Variants in DIS3L2 observed in about 807,000 individuals in gnomAD.
The protein encoded by DIS3L2 is DIS3-like exonuclease 2.
DIS3L2 carries 34 observed loss-of-function variants against 97.5 expected under a neutral mutation model. That is an observed-to-expected ratio of 0.35 (90% CI 0.27 to 0.46). The LOEUF is 0.46. Among genes scored for constraint, DIS3L2 ranks in the 20% least tolerant of loss-of-function variants. The pLI is 1.00. For missense variants in DIS3L2, 1,038 were observed against 1,146.0 expected (o/e 0.91, Z 1.36); for synonymous variants, 435 against 445.2 (o/e 0.98, Z 0.29).
chr2:231,963,636 T>C (rs1692628543), intron 1 of DIS3L2, among the ~76,000 whole-genome samples: 2 of 152,234 alleles, frequency 1.3e-5, no homozygotes, highest in South Asian at 4.1e-4. Context: ...CTGCAGTTGC[T>C]TATGGGGACT....
chr2:232,305,370 G>A (rs778548311), intron 14 of DIS3L2, among the ~76,000 whole-genome samples: 31 of 152,086 alleles, frequency 2.0e-4, no homozygotes, highest in Non-Finnish European at 4.3e-4. Context: ...GAGCCACCAC[G>A]CCTGTCCTCA....
At chr2:232,258,598 CAAAAAAAAAAAAA>C (rs35525137) in intron 12 of DIS3L2, among the ~76,000 whole-genome samples, 63 of 74,648 alleles carry the variant, frequency 8.4e-4, no homozygotes, top group African/African-American at 2.8e-3. Context: ...GACTCTGTCT[CAAAAAAAAAAAAA>C]AAAAAAAAAG....
At chr2:232,342,792 TG>T (rs1176500422) in intron 13 of DIS3L2, among the ~76,000 whole-genome samples, 3 of 152,182 alleles carry the variant, frequency 2.0e-5, no homozygotes, top group African/African-American at 7.2e-5. Context: ...CAGGCTGGGC[TG>T]GGGCCCCTGG....
At chr2:232,191,340 G>C (rs921848402) in intron 9 of DIS3L2, among the ~76,000 whole-genome samples, 3 of 152,166 alleles carry the variant, frequency 2.0e-5, no homozygotes, top group African/African-American at 7.2e-5. Context: ...TTCATCTTTC[G>C]AGGGTGGATT....
chr2:232,076,410 T>C (rs945220919), intron 5 of DIS3L2, among the ~76,000 whole-genome samples: 1 of 152,316 alleles, frequency 6.6e-6, no homozygotes, highest in East Asian at 1.9e-4. Context: ...ACACTAGATA[T>C]GTACTGCTGT....
chr2:232,314,653 A>G (rs1695222072), intron 14 of DIS3L2, among the ~76,000 whole-genome samples: 2 of 152,244 alleles, frequency 1.3e-5, no homozygotes, highest in Non-Finnish European at 2.9e-5. Flanking sequence ...TCGATTTAAC[A>G]TAGAGTTACA....
At chr2:232,190,197 G>A (rs1395468796) in intron 9 of DIS3L2, among the ~76,000 whole-genome samples, 5 of 152,032 alleles carry the variant, frequency 3.3e-5, no homozygotes, top group African/African-American at 1.2e-4. Context: ...GCCAGATGTG[G>A]TGGTGCATGC....
At chr2:232,199,105 G>A (rs1402299162) in intron 9 of DIS3L2, among the ~76,000 whole-genome samples, 2 of 152,120 alleles carry the variant, frequency 1.3e-5, no homozygotes, top group African/African-American at 4.8e-5. Flanking sequence ...AGCATTTCTT[G>A]TCTTTCTCTT....
intron 1 of DIS3L2, among the ~76,000 whole-genome samples, chr2:232,008,708 C>T (rs1039829556): frequency 7.2e-5 from 11 of 152,028 alleles, no homozygotes; most frequent in East Asian, 1.9e-4. Context: ...GGCTGAGGAT[C>T]GGCAAAACTT....
chr2:232,096,750 C>A (rs113453176), intron 6 of DIS3L2, among the ~76,000 whole-genome samples: 3 of 151,810 alleles, frequency 2.0e-5, no homozygotes, highest in Non-Finnish European at 4.4e-5. Flanking sequence ...TTTTTCAGCT[C>A]CAGATTTTCT....
At chr2:232,240,641 T>C (rs1693055030) in intron 11 of DIS3L2, among the ~76,000 whole-genome samples, 1 of 152,194 alleles carries the variant, frequency 6.6e-6, no homozygotes, top group Non-Finnish European at 1.5e-5. Flanking sequence ...TAAGCCTAAA[T>C]GCAATGTTTA....
At position 232,210,281 on chromosome 2, in the gene DIS3L2, G is replaced by T. The variant is rs376024458; in HGVS notation, c.1125-45G>T. 43 of 1,467,532 alleles carry T rather than the reference G, an allele frequency of 2.9e-5. No individual in the cohort carries two copies. The African/African-American group carries it at 5.4e-4, about 18-fold the overall frequency. 90.9% of individuals were successfully genotyped at this position (1,467,532 alleles called of 1,614,324 possible). Reference sequence around the variant, plus strand: ...AGCTGTACTATGGTGGGGTAAAGTTGCTATTATTTGTGGCATTGCTAATTG... The same window carrying T: ...AGCTGTACTATGGTGGGGTAAAGTTTCTATTATTTGTGGCATTGCTAATTG... On this transcript the variant is annotated intron_variant, in intron 9 of 20. Coordinates refer to ENST00000325385, the MANE Select transcript of DIS3L2 (RefSeq NM_152383.5).
In DIS3L2 at chr2:232,127,827, C is replaced by A. The variant is rs191186313; in HGVS notation, c.602-2792C>A. ...ATTCCTATCTTGGGTCTCTCATTCTCCTCTTCACTCCTGTATACACTGTCC... is the reference window on the plus strand; with the variant it reads ...ATTCCTATCTTGGGTCTCTCATTCTACTCTTCACTCCTGTATACACTGTCC... On this transcript the variant is annotated intron_variant, in intron 6 of 20. Transcript: ENST00000325385. 5.8e-4 allele frequency among the ~76,000 whole-genome samples: 88 copies of A among 152,296 alleles called. 2 individuals carry two copies. The highest frequency in any genetic ancestry group is 4.2e-3 in the Admixed American group (65 of 15,304).
intron 9 of DIS3L2, among the ~76,000 whole-genome samples, chr2:232,187,617 A>G (rs1691477447): frequency 2.0e-5 from 3 of 151,806 alleles, no homozygotes; most frequent in Admixed American, 2.0e-4. Context: ...TATTTTTTGT[A>G]TTTTTAGTAG....
At chr2:232,016,870 A>G (rs1408103555) in intron 3 of DIS3L2, among the ~76,000 whole-genome samples, 1 of 151,798 alleles carries the variant, frequency 6.6e-6, no homozygotes, top group Non-Finnish European at 1.5e-5. Flanking sequence ...ACCAATTTAC[A>G]GATGCTGTCA....
intron 14 of DIS3L2, among the ~76,000 whole-genome samples, chr2:232,324,863 A>G (rs571849395): frequency 6.6e-6 from 1 of 152,314 alleles, no homozygotes; most frequent in African/African-American, 2.4e-5. Context: ...AGTGAGTGGT[A>G]GGGCTGGCAT....
At chr2:232,199,863 A>G (rs1362727538) in intron 9 of DIS3L2, among the ~76,000 whole-genome samples, 1 of 152,186 alleles carries the variant, frequency 6.6e-6, no homozygotes, top group Non-Finnish European at 1.5e-5. Flanking sequence ...AATATTCAGT[A>G]ATATAATCTA....
rs141818732 is a variant in DIS3L2 at position 231,970,826 on chromosome 2, A to ATAC, written c.-94+9063_-94+9064insCTA. ...TTTACTTTATAAACTTTAATTTTTT[A>ATAC]TATTTTGATTCTTATAATAATACTT... On this transcript the variant is annotated intron_variant, in intron 1 of 20. Transcript: ENST00000325385. Among the ~76,000 whole-genome samples the ATAC allele has an allele frequency of 1.4e-4, 5 of 36,046 alleles. No individual in the cohort carries two copies. In the East Asian group the frequency reaches 0.027, roughly 192 times the overall value. 23.6% of individuals were successfully genotyped at this position (36,046 alleles called of 152,430 possible).
rs377543392 is a variant in DIS3L2, at chr2:232,167,722, C to G, written c.1124+4090C>G. Among the ~76,000 whole-genome samples, 40 of 152,280 alleles carry G rather than the reference C, an allele frequency of 2.6e-4. 1 individual carries two copies. In the South Asian group the frequency reaches 5.0e-3, roughly 19 times the overall value. On this transcript the variant is annotated intron_variant, in intron 9 of 20. Coordinates refer to ENST00000325385, the MANE Select transcript of DIS3L2 (RefSeq NM_152383.5). Reference sequence around the variant, plus strand: ...GATTAAAAAAATAGATTTATAATCTCCAGTTACTCTTTAGTTGTTATCTTT... The same window carrying G: ...GATTAAAAAAATAGATTTATAATCTGCAGTTACTCTTTAGTTGTTATCTTT...
Sources: allele counts gnomAD v4.1 joint callset (sites outside exome capture counted in the v4.1 genomes callset), GRCh38; gene constraint gnomAD v4.1.1; transcripts MANE v1.5; gene names NCBI Gene and HGNC (gene_info 2026-07-23, HGNC 2026-07-21).